Variants in ACACA observed in about 807,000 individuals in gnomAD.
ACACA encodes acetyl-CoA carboxylase 1.
In ACACA, 103 loss-of-function variants were observed where a neutral mutation model predicts 296.1. The ratio of observed to expected loss-of-function variants is 0.35; its 90% CI spans 0.30 to 0.41. ACACA has a LOEUF of 0.41. ACACA is among the 10% of genes least tolerant of loss of function. The probability of loss-of-function intolerance (pLI) is 1.00; values close to 1 mark genes in which losing one functional copy is unlikely to be tolerated. For missense variants in ACACA, 1,554 were observed against 2,989.7 expected (o/e 0.52, Z 11.20); for synonymous variants, 953 against 1,038.6 (o/e 0.92, Z 1.58).
intron 31 of ACACA, among the ~76,000 whole-genome samples, chr17:37,207,360 T>C (rs1045939586): frequency 2.6e-5 from 4 of 152,212 alleles, no homozygotes; most frequent in African/African-American, 9.6e-5. Context: ...TCTCCTGACA[T>C]TTCACTCATC....
intron 1 of ACACA, among the ~76,000 whole-genome samples, chr17:37,357,904 C>T (rs2049215766): frequency 6.6e-6 from 1 of 152,106 alleles, no homozygotes; most frequent in Non-Finnish European, 1.5e-5. Context: ...CCAAAGAAAG[C>T]ATGCTTCTCA....
At chr17:37,366,284 ACTCT>A (rs907691507) in intron 1 of ACACA, among the ~76,000 whole-genome samples, 2 of 151,940 alleles carry the variant, frequency 1.3e-5, no homozygotes, top group African/African-American at 4.8e-5. Flanking sequence ...TTCTACCTTC[ACTCT>A]CTATTGTTGT....
At chr17:37,396,082 G>A (rs1214695159) in intron 1 of ACACA, among the ~76,000 whole-genome samples, 1 of 152,142 alleles carries the variant, frequency 6.6e-6, no homozygotes, top group Non-Finnish European at 1.5e-5. Flanking sequence ...GCTCACGCCT[G>A]TAATCCCAGC....
At chr17:37,283,476 G>C (rs2082638083) in intron 4 of ACACA, 71 bp from the exon 5 acceptor site, 5 of 1,547,916 alleles carry the variant, frequency 3.2e-6, no homozygotes, top group South Asian at 1.1e-5. Context: ...AAAGAGATGA[G>C]AGAATTTTTA....
chr17:37,325,579 CTTTTTTTTT>C (rs1156553256), intron 3 of ACACA, among the ~76,000 whole-genome samples: 16 of 67,932 alleles, frequency 2.4e-4, no homozygotes, highest in African/African-American at 5.5e-4. Flanking sequence ...TCTTTTCTTT[CTTTTTTTTT>C]TTTTTTTTTT....
At position 37,387,064 on chromosome 17, in the gene ACACA, G is replaced by A. The variant is rs193227429; in HGVS notation, c.38+19198C>T. The A allele has an allele frequency of 3.1e-3, 475 of 152,352 alleles. 2 individuals are homozygous for A. The highest frequency in any genetic ancestry group is 0.01 in the Middle Eastern group (3 of 292). The allele number at this position is 152,352 out of a possible 1,614,324, so 9.4% of individuals were successfully genotyped here. A position where few individuals can be genotyped will look rare whatever the true frequency, so the allele number is the denominator to read the frequency against. On this transcript the variant is annotated intron_variant, in intron 1 of 55. Transcript: ENST00000616317. ...ACTCCTGGGCTCAAGCGATCCTACC[G>A]CCTCAGCCTCCCAAACTGCTGGGAT...
chr17:37,329,109 T>C (rs2047743596), intron 3 of ACACA: 1 of 396,132 alleles, frequency 2.5e-6, no homozygotes, highest in Non-Finnish European at 4.4e-6. Flanking sequence ...ACTGTGTTTC[T>C]AGAGAAAAAG....
At chr17:37,390,304 TTATATATATATATATA>T (rs1189193698) in intron 1 of ACACA, among the ~76,000 whole-genome samples, 1 of 17,988 alleles carries the variant, frequency 5.6e-5, no homozygotes, top group Non-Finnish European at 8.1e-5. Flanking sequence ...TTATACATAA[TTATATATATATATATA>T]TATATATATA....
intron 11 of ACACA, among the ~76,000 whole-genome samples, 189 bp downstream of exon 11, chr17:37,263,496 C>T (rs1004601593): frequency 1.3e-5 from 2 of 152,110 alleles, no homozygotes; most frequent in Non-Finnish European, 2.9e-5. Flanking sequence ...CTTTTAGAAG[C>T]TTGACATGTT....
intron 5 of ACACA, among the ~76,000 whole-genome samples, chr17:37,280,783 A>G (rs2082483754): frequency 6.6e-6 from 1 of 151,876 alleles, no homozygotes; most frequent in Non-Finnish European, 1.5e-5. Context: ...ACATTCATTT[A>G]AAATGCAAAT....
intron 41 of ACACA, 102 bp from the exon 42 acceptor site, chr17:37,162,152 G>A: frequency 7.8e-7 from 1 of 1,290,180 alleles, no homozygotes; most frequent in Non-Finnish European, 1.1e-6. Flanking sequence ...CAGCCATTAT[G>A]TAAAGATACA....
intron 1 of ACACA, chr17:37,379,405 G>C: frequency 1.2e-6 from 2 of 1,606,392 alleles, no homozygotes; most frequent in Non-Finnish European, 1.7e-6. Flanking sequence ...AAGAGGAAGG[G>C]GGCAGGCACT....
At chr17:37,374,798 C>T (rs943201636) in intron 1 of ACACA, among the ~76,000 whole-genome samples, 3 of 152,160 alleles carry the variant, frequency 2.0e-5, no homozygotes, top group Non-Finnish European at 4.4e-5. Context: ...ATGTTGTCCA[C>T]CAATACTCAC....
At position 37,165,972 on chromosome 17, in the gene ACACA, C is replaced by T. The variant is rs548230235; in HGVS notation, c.5080-3922G>A. Among the ~76,000 whole-genome samples the T allele has an allele frequency of 2.6e-5, 4 of 152,178 alleles. No individual in the cohort carries two copies. The South Asian group carries it at 8.3e-4, about 32-fold the overall frequency. On this transcript the variant is annotated intron_variant, in intron 41 of 55. Coordinates refer to ENST00000616317, the MANE Select transcript of ACACA (RefSeq NM_198834.3). The stretch of plus-strand genomic sequence containing the variant: ...GATTATAGGCGTGAGCCACCTTGCC[C>T]AGCCTGAGAATTCTTCTGATAACTA...
chr17:37,335,608 C>T (rs1034767657), intron 2 of ACACA, among the ~76,000 whole-genome samples: 4 of 152,134 alleles, frequency 2.6e-5, no homozygotes, highest in African/African-American at 4.8e-5. Flanking sequence ...ACCTAAGCCC[C>T]GCAACAAAAG....
chr17:37,256,170 TA>T (rs1236297203), intron 14 of ACACA, among the ~76,000 whole-genome samples: 2 of 152,008 alleles, frequency 1.3e-5, no homozygotes. Context: ...ATTGTCAAAT[TA>T]AAAAAAATTA....
At position 37,225,063 on chromosome 17, in the gene ACACA, T is replaced by G; in HGVS notation, c.3403A>C (p.Asn1135His). Reference sequence around the variant, plus strand: ...GATAGGAAGATAGACTCTACTTGGTTATGGCGAAGCTCATATGATGGCAAA... The same window carrying G: ...GATAGGAAGATAGACTCTACTTGGTGATGGCGAAGCTCATATGATGGCAAA... ...SHLPSYELRH[N>H]QVESIFLSAI... is the part of the protein sequence containing the mutation. Residue 1135 changes from asparagine (N) to histidine (H), a missense_variant, in exon 27 of 56, where the codon AAC becomes CAC. This residue lies in a region of ACACA where 42 missense variants were observed against 147.5 expected (regional missense o/e 0.28). Transcript: ENST00000616317. The G allele has an allele frequency of 6.2e-7, 1 of 1,613,490 alleles. No homozygotes were observed. Among genetic ancestry groups the G allele is most frequent in the Non-Finnish European group, 8.5e-7 (1 of 1,179,682 alleles).
rs187714430 is a variant in ACACA at position 37,090,935 on chromosome 17, A to T, written c.6892-1861T>A. Among the ~76,000 whole-genome samples the T allele has an allele frequency of 2.0e-3, 307 of 151,502 alleles. 1 individual carries two copies. The highest frequency in any genetic ancestry group is 7.3e-3 in the African/African-American group (301 of 41,446). On this transcript the variant is annotated intron_variant, in intron 54 of 55. Transcript: ENST00000616317. The stretch of plus-strand genomic sequence containing the variant: ...GGATTTCAGAATGGAAAAAAAAAAA[A>T]CCCCAAGATTTTTAGATTTACCCAA...
chr17:37,386,160 A>T, intron 1 of ACACA: 1 of 1,337,384 alleles, frequency 7.5e-7, no homozygotes, highest in Non-Finnish European at 1.0e-6. Flanking sequence ...CAAAGTACAG[A>T]ATAAGTAGGA....
Sources: gnomAD v4.1 joint callset for allele counts (sites outside exome capture counted in the v4.1 genomes callset) on GRCh38, gnomAD v4.1.1 for gene constraint, gnomAD v4.1.1 regional missense constraint, MANE v1.5 for transcripts, NCBI Gene and HGNC (gene_info 2026-07-23, HGNC 2026-07-21) for gene names.